The following SAMD5 variants were observed in gnomAD, a reference collection of about 807,000 sequenced individuals.
SAMD5 encodes sterile alpha motif domain containing 5.
Under a neutral mutation model 11.3 loss-of-function variants are expected in SAMD5, and 13 were observed. The observed-to-expected ratio is 1.15, with a 90% CI of 0.75 to 1.83. The LOEUF (loss-of-function observed/expected upper bound fraction) is 1.83. Ranked by LOEUF, SAMD5 falls within the 40% of genes most tolerant of loss-of-function variation. The pLI is 0.00. For synonymous variants in SAMD5, 129 were observed against 111.3 expected, an observed-to-expected ratio of 1.16 and a Z score of -1.00; for missense variants, 255 against 239.1, an observed-to-expected ratio of 1.07 and a Z score of -0.44.
intron 1 of SAMD5, among the ~76,000 whole-genome samples, chr6:147,612,682 A>G (rs1789803955): frequency 2.0e-5 from 3 of 152,228 alleles, no homozygotes; most frequent in African/African-American, 7.2e-5. Flanking sequence ...ATTTGGCCTC[A>G]GAAACCCGTG....
At chr6:147,613,239 C>T (rs192565620) in intron 1 of SAMD5, among the ~76,000 whole-genome samples, 1 of 151,868 alleles carries the variant, frequency 6.6e-6, no homozygotes, top group African/African-American at 2.4e-5. Context: ...CCTGCACCCC[C>T]TAGAGCAGCT....
At chr6:147,683,185 A>T (rs1406831997) in intron 1 of SAMD5, among the ~76,000 whole-genome samples, 4 of 152,244 alleles carry the variant, frequency 2.6e-5, no homozygotes, top group African/African-American at 9.6e-5. Flanking sequence ...CTATGTAAAT[A>T]AAACTTACAA....
At chr6:147,514,425 A>G (rs1189571722) in intron 1 of SAMD5, among the ~76,000 whole-genome samples, 1 of 150,888 alleles carries the variant, frequency 6.6e-6, no homozygotes, top group Non-Finnish European at 1.5e-5. Flanking sequence ...GTGGGATCCT[A>G]TACATTCCAT....
chr6:147,751,305 C>T, the SAMD5 span, among the ~76,000 whole-genome samples: 2 of 152,272 alleles, frequency 1.3e-5, no homozygotes, highest in Non-Finnish European at 2.9e-5. Context: ...ACCCGTTTAA[C>T]ATGTTATATA....
At chr6:147,904,562 C>T in the SAMD5 span, among the ~76,000 whole-genome samples, 2 of 152,204 alleles carry the variant, frequency 1.3e-5, no homozygotes, top group Admixed American at 1.3e-4. Context: ...GCCCTGCCCT[C>T]ATACACTTAT....
At chr6:147,690,208 A>G (rs947335661) in intron 1 of SAMD5, among the ~76,000 whole-genome samples, 1 of 152,268 alleles carries the variant, frequency 6.6e-6, no homozygotes, top group African/African-American at 2.4e-5. Context: ...TTCTTCAACC[A>G]TACAAACCAG....
intron 1 of SAMD5, among the ~76,000 whole-genome samples, chr6:147,529,513 T>C (rs1018626356): frequency 1.3e-5 from 2 of 152,192 alleles, no homozygotes; most frequent in African/African-American, 4.8e-5. Context: ...AGATGAACTA[T>C]TCCTTTGTGT....
the SAMD5 span, among the ~76,000 whole-genome samples, chr6:147,760,842 A>G: frequency 6.6e-6 from 1 of 152,196 alleles, no homozygotes; most frequent in South Asian, 2.1e-4. Context: ...CTTTTCAATT[A>G]GAATTTGTAG....
the SAMD5 span, among the ~76,000 whole-genome samples, chr6:147,793,219 A>G: frequency 2.0e-5 from 3 of 152,160 alleles, no homozygotes; most frequent in Admixed American, 6.6e-5. Flanking sequence ...CTTTACTTCT[A>G]TGGCGCCTTA....
At chr6:147,866,174 C>A in the SAMD5 span, among the ~76,000 whole-genome samples, 2 of 152,060 alleles carry the variant, frequency 1.3e-5, no homozygotes, top group African/African-American at 2.4e-5. Flanking sequence ...GTATCATACA[C>A]CTCCAACCAG....
intron 1 of SAMD5, among the ~76,000 whole-genome samples, chr6:147,664,905 AT>A (rs923924841): frequency 6.6e-6 from 1 of 151,102 alleles, no homozygotes; most frequent in Admixed American, 6.6e-5. Flanking sequence ...TACTGTTGTT[AT>A]TTTTTTTTCC....
At chr6:147,737,105 A>G (rs1440851845) in intron 1 of SAMD5, among the ~76,000 whole-genome samples, 2 of 152,274 alleles carry the variant, frequency 1.3e-5, no homozygotes, top group South Asian at 2.1e-4. Context: ...TGTATATTAT[A>G]TACATTATAG....
chr6:147,608,336 A>C (rs1789732333), intron 1 of SAMD5, among the ~76,000 whole-genome samples: 1 of 152,246 alleles, frequency 6.6e-6, no homozygotes, highest in Admixed American at 6.5e-5. Context: ...AGATCTCTGC[A>C]TTCCTATATT....
chr6:147,813,280 A>G, the SAMD5 span, among the ~76,000 whole-genome samples: 1 of 152,160 alleles, frequency 6.6e-6, no homozygotes, highest in Non-Finnish European at 1.5e-5. Flanking sequence ...TACTTATCAG[A>G]TTCAGTCTTC....
At chr6:147,601,593 T>TACACGTCG (rs1041148375) in intron 1 of SAMD5, among the ~76,000 whole-genome samples, 6 of 152,228 alleles carry the variant, frequency 3.9e-5, no homozygotes, top group African/African-American at 1.4e-4. Flanking sequence ...CACGTCCATG[T>TACACGTCG]ACACGTCGTT....
the SAMD5 span, among the ~76,000 whole-genome samples, chr6:147,852,453 A>G: frequency 6.7e-6 from 1 of 150,366 alleles, no homozygotes; most frequent in African/African-American, 2.5e-5. Context: ...TGTATTATGA[A>G]CATGTGTTTG....
At chr6:147,814,003 G>A in the SAMD5 span, among the ~76,000 whole-genome samples, 4,579 of 152,194 alleles carry the variant, frequency 0.03, 98 homozygotes, top group Middle Eastern at 0.051. Flanking sequence ...TTGCTCCATC[G>A]TTTTTCTTTG....
chr6:147,676,929 C>T (rs1790872008), intron 1 of SAMD5, among the ~76,000 whole-genome samples: 1 of 151,926 alleles, frequency 6.6e-6, no homozygotes, highest in Non-Finnish European at 1.5e-5. Flanking sequence ...ATGACAGAAG[C>T]TGGGGCCAGA....
chr6:147,592,922 G>T (rs1323961153), intron 1 of SAMD5, among the ~76,000 whole-genome samples: 1 of 152,108 alleles, frequency 6.6e-6, no homozygotes, highest in Admixed American at 6.5e-5. Flanking sequence ...TTAAGCCAGA[G>T]AACGCTCCTA....
Sources: gnomAD v4.1 joint callset for allele counts (sites outside exome capture counted in the v4.1 genomes callset) on GRCh38, gnomAD v4.1.1 for gene constraint, MANE v1.5 for transcripts, NCBI Gene and HGNC (gene_info 2026-07-23, HGNC 2026-07-21) for gene names.